MAGI3: variants seen among roughly 807,000 people sequenced by gnomAD.
MAGI3 encodes membrane associated guanylate kinase, WW and PDZ domain containing 3.
A neutral mutation model predicts 121.8 loss-of-function variants in MAGI3; 43 were observed. The ratio of observed to expected loss-of-function variants is 0.35; its 90% CI spans 0.28 to 0.46. The LOEUF is 0.46. Ranked by LOEUF, MAGI3 falls within the 20% of genes least tolerant of loss-of-function variation. The pLI, the probability that MAGI3 is intolerant of heterozygous loss-of-function variation, is 1.00. For synonymous variants in MAGI3, 553 were observed against 639.3 expected (o/e 0.86, Z 2.04); for missense variants, 1,547 against 1,797.3 (o/e 0.86, Z 2.52).
chr1:113,455,791 T>C (rs1047893035), intron 1 of MAGI3, among the ~76,000 whole-genome samples: 1 of 152,162 alleles, frequency 6.6e-6, no homozygotes, highest in Non-Finnish European at 1.5e-5. Context: ...TATTTCTGGG[T>C]ATTTATGTCT....
intron 1 of MAGI3, among the ~76,000 whole-genome samples, chr1:113,515,041 AT>A: frequency 6.6e-6 from 1 of 152,106 alleles, no homozygotes; most frequent in East Asian, 1.9e-4. Context: ...TGGATACAAT[AT>A]AGCTTTTTGA....
intron 2 of MAGI3, among the ~76,000 whole-genome samples, chr1:113,579,777 A>T (rs1255355463): frequency 1.3e-5 from 2 of 152,142 alleles, no homozygotes; most frequent in African/African-American, 4.8e-5. Context: ...AGAGCCCAAG[A>T]CGACTGACTC....
Position 113,391,411 on chromosome 1 carries a change from C to A in MAGI3, c.316+62C>A. On this transcript the variant is annotated intron_variant, in intron 1 of 20. Transcript: ENST00000307546. This position sits in a 1 kb window ranked among gnomAD's most constrained non-coding sequence, Gnocchi z 4.4. ...GGAGAGGGGCTTCAGGGTGGGCGTCCTGGGAGCGGCGGCACCTCCCCACCG... is the reference window on the plus strand; with the variant it reads ...GGAGAGGGGCTTCAGGGTGGGCGTCATGGGAGCGGCGGCACCTCCCCACCG... 1 of 1,527,058 alleles carries A rather than the reference C, an allele frequency of 6.5e-7. No individual in the cohort carries two copies. Among genetic ancestry groups the A allele is most frequent in the Non-Finnish European group, 8.9e-7 (1 of 1,128,500 alleles). 94.6% of individuals were successfully genotyped at this position (1,527,058 alleles called of 1,614,324 possible).
chr1:113,481,314 AG>A (rs1186948024), intron 1 of MAGI3, among the ~76,000 whole-genome samples: 2 of 152,308 alleles, frequency 1.3e-5, no homozygotes, highest in African/African-American at 4.8e-5. Context: ...CCGCCTTTGT[AG>A]TTCACTGTCT....
At chr1:113,640,713 C>T (rs1170450953) in intron 9 of MAGI3, among the ~76,000 whole-genome samples, 3 of 151,244 alleles carry the variant, frequency 2.0e-5, no homozygotes, top group Admixed American at 6.6e-5. Context: ...CAACAAACAC[C>T]AGGGCCAGTC....
intron 1 of MAGI3, among the ~76,000 whole-genome samples, chr1:113,402,804 T>C (rs1199236255): frequency 1.3e-5 from 2 of 152,106 alleles, no homozygotes. Context: ...GACAAGAAGA[T>C]GTCTCAGGCC....
intron 1 of MAGI3, among the ~76,000 whole-genome samples, chr1:113,457,879 T>C (rs1654834861): frequency 6.6e-6 from 1 of 152,132 alleles, no homozygotes; most frequent in South Asian, 2.1e-4. Flanking sequence ...GAGGAAGCCA[T>C]GAGGGCACCT....
chr1:113,562,255 T>G (rs963415846), intron 2 of MAGI3, among the ~76,000 whole-genome samples: 4 of 152,108 alleles, frequency 2.6e-5, no homozygotes, highest in Middle Eastern at 3.2e-3. Flanking sequence ...ACAAAAAAAT[T>G]AGCCAGGCAT....
intron 3 of MAGI3, among the ~76,000 whole-genome samples, chr1:113,584,354 A>G (rs751869128): frequency 4.6e-5 from 7 of 152,154 alleles, no homozygotes; most frequent in Admixed American, 1.3e-4. Context: ...AAGATACTCA[A>G]TTGTTTTCAT....
At chr1:113,677,937 GA>G (rs565304462) in intron 19 of MAGI3, among the ~76,000 whole-genome samples, 127 of 152,298 alleles carry the variant, frequency 8.3e-4, no homozygotes, top group Non-Finnish European at 1.6e-3. Flanking sequence ...CCTCTCAGAA[GA>G]GTCTTTTTCA....
intron 1 of MAGI3, among the ~76,000 whole-genome samples, chr1:113,416,331 T>TTAATTATGTAATTAATTATGTA (rs1557744636): frequency 4.1e-4 from 30 of 73,544 alleles, no homozygotes; most frequent in Non-Finnish European, 7.5e-4. Context: ...ATTAATTATA[T>TTAATTATGTAATTAATTATGTA]ATCAATCATA....
At chr1:113,485,346 C>T (rs1265230446) in intron 1 of MAGI3, among the ~76,000 whole-genome samples, 1 of 152,144 alleles carries the variant, frequency 6.6e-6, no homozygotes, top group Non-Finnish European at 1.5e-5. Flanking sequence ...TTGATTATGG[C>T]CATTCTTTCA....
chr1:113,668,831 C>T (rs1004697713), intron 16 of MAGI3, among the ~76,000 whole-genome samples: 1 of 152,024 alleles, frequency 6.6e-6, no homozygotes, highest in Non-Finnish European at 1.5e-5. Flanking sequence ...ATCCACCCGC[C>T]TCAGCCTCCC....
chr1:113,447,140 A>G (rs1274218670), intron 1 of MAGI3, among the ~76,000 whole-genome samples: 3 of 152,222 alleles, frequency 2.0e-5, no homozygotes, highest in East Asian at 3.8e-4. Context: ...AATGATTAAT[A>G]TGTTAACTTT....
intron 1 of MAGI3, among the ~76,000 whole-genome samples, chr1:113,526,262 G>A (rs1212694209): frequency 6.6e-6 from 1 of 152,198 alleles, no homozygotes; most frequent in African/African-American, 2.4e-5. Flanking sequence ...GGGTATATGT[G>A]ATGAGGAGCT....
At chr1:113,632,224 G>C (rs1651679658) in intron 9 of MAGI3, among the ~76,000 whole-genome samples, 1 of 152,078 alleles carries the variant, frequency 6.6e-6, no homozygotes, top group African/African-American at 2.4e-5. Context: ...ACAAACTTTA[G>C]AGATTAAAAT....
At chr1:113,512,669 A>C (rs1355169002) in intron 1 of MAGI3, among the ~76,000 whole-genome samples, 1 of 152,174 alleles carries the variant, frequency 6.6e-6, no homozygotes, top group African/African-American at 2.4e-5. Flanking sequence ...AACCAATATC[A>C]TACTGAATGG....
At chr1:113,659,956 A>C (rs1653692654) in intron 16 of MAGI3, among the ~76,000 whole-genome samples, 1 of 152,204 alleles carries the variant, frequency 6.6e-6, no homozygotes, top group African/African-American at 2.4e-5. Flanking sequence ...AGGAGAAGCC[A>C]AAAACAGAAT....
intron 18 of MAGI3, 150 bp downstream of exon 18, chr1:113,672,891 C>A: frequency 8.4e-6 from 9 of 1,071,294 alleles, no homozygotes; most frequent in Non-Finnish European, 1.2e-5. Flanking sequence ...ATTCTGCTGG[C>A]ATTCATAGGA....
Sources: gnomAD v4.1 joint callset for allele counts (sites outside exome capture counted in the v4.1 genomes callset) on GRCh38, gnomAD v4.1.1 for gene constraint, Gnocchi (gnomAD v3.1) non-coding constraint, MANE v1.5 for transcripts, NCBI Gene and HGNC (gene_info 2026-07-23, HGNC 2026-07-21) for gene names.